HTR2C: variants seen among roughly 807,000 people sequenced by gnomAD.
The protein encoded by HTR2C is 5-hydroxytryptamine (serotonin) receptor 2C, G protein-coupled.
Under a neutral mutation model 21.0 loss-of-function variants are expected in HTR2C, and 5 were observed. That is an observed-to-expected ratio of 0.24 (90% CI 0.12 to 0.50). HTR2C has a LOEUF of 0.50. HTR2C is among the 20% of genes least tolerant of loss of function. The probability of loss-of-function intolerance (pLI) is 0.98; values close to 1 mark genes in which losing one functional copy is unlikely to be tolerated. For synonymous variants in HTR2C, 150 were observed against 145.3 expected (o/e 1.03, Z -0.23); for missense variants, 271 against 371.2 (o/e 0.73, Z 2.22).
chrX:114,797,503 A>G (rs1417043716), intron 4 of HTR2C, among the ~76,000 whole-genome samples: 1 of 109,994 alleles, frequency 9.1e-6, no homozygotes, highest in Non-Finnish European at 1.9e-5. Context: ...TTTCTAACCT[A>G]TGCCACAGTG....
intron 2 of HTR2C, among the ~76,000 whole-genome samples, chrX:114,631,325 G>T (rs1464881119): frequency 9.4e-6 from 1 of 106,082 alleles, no homozygotes; most frequent in African/African-American, 3.4e-5. Context: ...AAAAAAAAGT[G>T]ACTATGTCCG....
intron 2 of HTR2C, among the ~76,000 whole-genome samples, chrX:114,690,910 T>C (rs1376134156): frequency 9.0e-6 from 1 of 111,495 alleles, no homozygotes; most frequent in Non-Finnish European, 1.9e-5. Context: ...ATCCTATTTA[T>C]GGATGAGAAA....
intron 5 of HTR2C, among the ~76,000 whole-genome samples, chrX:114,882,802 T>C (rs2071191971): frequency 9.0e-6 from 1 of 110,677 alleles, no homozygotes. Context: ...TCTTGTGTTG[T>C]CTTCATCTCA....
At chrX:114,694,607 C>A (rs1401129790) in intron 2 of HTR2C, among the ~76,000 whole-genome samples, 1 of 109,302 alleles carries the variant, frequency 9.1e-6, no homozygotes, top group African/African-American at 3.4e-5. Context: ...CCTGCCTCAG[C>A]CTCCTGAGTA....
intron 2 of HTR2C, among the ~76,000 whole-genome samples, chrX:114,644,352 T>G: frequency 1.1e-4 from 2 of 17,437 alleles, no homozygotes; most frequent in African/African-American, 1.8e-4. Flanking sequence ...CTAAAATAAA[T>G]AAATAAATAA....
intron 2 of HTR2C, among the ~76,000 whole-genome samples, chrX:114,713,086 T>C (rs1932916017): frequency 9.0e-6 from 1 of 111,645 alleles, no homozygotes; most frequent in African/African-American, 3.2e-5. Context: ...TTTGTAGTTA[T>C]AAATTATTTT....
chrX:114,836,101 C>T (rs1301830918), intron 4 of HTR2C, among the ~76,000 whole-genome samples: 2 of 108,483 alleles, frequency 1.8e-5, no homozygotes, highest in Non-Finnish European at 3.8e-5. Context: ...AACCACTGCT[C>T]TCTTCAAAGC....
intron 4 of HTR2C, among the ~76,000 whole-genome samples, chrX:114,784,041 C>T (rs1226006132): frequency 6.6e-5 from 7 of 106,702 alleles, no homozygotes; most frequent in Non-Finnish European, 5.8e-5. Flanking sequence ...CTAAATTAAA[C>T]CTAAGGAAAA....
chrX:114,709,256 G>A (rs1383797915), intron 2 of HTR2C, among the ~76,000 whole-genome samples: 2 of 111,557 alleles, frequency 1.8e-5, no homozygotes, highest in Non-Finnish European at 3.8e-5. Context: ...TATTTTGTCA[G>A]ATATCAAGAT....
At chrX:114,880,808 AT>A (rs1245822947) in intron 5 of HTR2C, among the ~76,000 whole-genome samples, 5 of 111,275 alleles carry the variant, frequency 4.5e-5, no homozygotes, top group Non-Finnish European at 9.5e-5. Flanking sequence ...ATATATCAGA[AT>A]TTTTTTTCAT....
intron 4 of HTR2C, among the ~76,000 whole-genome samples, chrX:114,841,224 T>A (rs2070831016): frequency 8.9e-6 from 1 of 112,038 alleles, no homozygotes; most frequent in Non-Finnish European, 1.9e-5. Flanking sequence ...TCTAAGATAA[T>A]TCTCACTAAC....
intron 2 of HTR2C, among the ~76,000 whole-genome samples, chrX:114,726,265 G>A (rs1339518363): frequency 1.2e-4 from 14 of 112,508 alleles, no homozygotes; most frequent in African/African-American, 4.5e-4. Flanking sequence ...TGGGGTGGGA[G>A]TGACCCGATT....
intron 4 of HTR2C, among the ~76,000 whole-genome samples, chrX:114,806,518 A>G (rs1159150565): frequency 1.1e-5 from 1 of 94,177 alleles, no homozygotes; most frequent in Non-Finnish European, 2.1e-5. Flanking sequence ...TATATACACC[A>G]CATATATACA....
At chrX:114,663,154 CT>C (rs1297192386) in intron 2 of HTR2C, among the ~76,000 whole-genome samples, 4 of 109,531 alleles carry the variant, frequency 3.7e-5, no homozygotes, top group Non-Finnish European at 3.8e-5. Flanking sequence ...ACTATTACCT[CT>C]TTTTTTTTGT....
intron 2 of HTR2C, among the ~76,000 whole-genome samples, chrX:114,624,904 G>C (rs185713821): frequency 1.2e-4 from 13 of 111,997 alleles, no homozygotes; most frequent in African/African-American, 3.9e-4. Context: ...GGCAAGATTA[G>C]CATGCATTGT....
intron 5 of HTR2C, among the ~76,000 whole-genome samples, chrX:114,899,373 C>T (rs1232419702): frequency 1.8e-5 from 2 of 111,019 alleles, no homozygotes; most frequent in Non-Finnish European, 1.9e-5. Context: ...ACGGACCTCC[C>T]GCCTTGCCTG....
intron 5 of HTR2C, among the ~76,000 whole-genome samples, chrX:114,889,924 G>A (rs1393561804): frequency 9.0e-6 from 1 of 111,540 alleles, no homozygotes; most frequent in East Asian, 2.8e-4. Flanking sequence ...CAATTATCTT[G>A]AATGAATGTT....
chrX:114,828,588 T>G (rs148987878), intron 4 of HTR2C, among the ~76,000 whole-genome samples: 1,207 of 111,929 alleles, frequency 0.011, 22 homozygotes, highest in Admixed American at 0.073. Context: ...ATAACAAAAT[T>G]AACAATTAAC....
At chrX:114,800,902 C>A (rs2070339668) in intron 4 of HTR2C, among the ~76,000 whole-genome samples, 1 of 111,081 alleles carries the variant, frequency 9.0e-6, no homozygotes, top group African/African-American at 3.3e-5. Flanking sequence ...AGATATGACT[C>A]AATAGTCTCT....
Sources: gnomAD v4.1 joint callset for allele counts (sites outside exome capture counted in the v4.1 genomes callset) on GRCh38, gnomAD v4.1.1 for gene constraint, MANE v1.5 for transcripts, NCBI Gene and HGNC (gene_info 2026-07-23, HGNC 2026-07-21) for gene names.